Variants in SPRY3 observed in about 807,000 individuals in gnomAD.
SPRY3 encodes protein sprouty homolog 3.
A neutral mutation model predicts 20.2 loss-of-function variants in SPRY3; 15 were observed. The observed-to-expected ratio is 0.74, with a 90% confidence interval of 0.50 to 1.14. SPRY3 has a LOEUF of 1.14. Among genes scored for constraint, SPRY3 ranks in the 50% most tolerant of loss-of-function variants. The pLI is 0.00. For synonymous variants in SPRY3, 143 were observed against 136.5 expected (o/e 1.05, Z -0.33); for missense variants, 364 against 363.9 (o/e 1.00, Z 0.00).
At chrX:155,767,069 C>T (rs955268979) in intron 2 of SPRY3, among the ~76,000 whole-genome samples, 4 of 152,022 alleles carry the variant, frequency 2.6e-5, no homozygotes, top group Non-Finnish European at 5.9e-5. Flanking sequence ...CTCCACCCCA[C>T]CCCCACGTTC....
chrX:155,737,487 T>C (rs952223894), intron 2 of SPRY3, among the ~76,000 whole-genome samples: 3 of 152,118 alleles, frequency 2.0e-5, no homozygotes, highest in Non-Finnish European at 4.4e-5. Flanking sequence ...CAGAGTACTA[T>C]GTAAGAACAT....
chrX:155,654,117 A>G (rs1169161616), intron 1 of SPRY3, among the ~76,000 whole-genome samples: 1 of 112,015 alleles, frequency 8.9e-6, no homozygotes, highest in African/African-American at 3.2e-5. Context: ...AGTTTAGATT[A>G]ATTTGCTAAT....
At chrX:155,688,845 C>G (rs1261864612) in intron 2 of SPRY3, among the ~76,000 whole-genome samples, 1 of 67,014 alleles carries the variant, frequency 1.5e-5, no homozygotes, top group Non-Finnish European at 2.7e-5. Context: ...CCGACAGGCC[C>G]CAGTGTGTGT....
At chrX:155,657,173 G>A (rs1272132725) in intron 2 of SPRY3, among the ~76,000 whole-genome samples, 2 of 112,010 alleles carry the variant, frequency 1.8e-5, no homozygotes, top group African/African-American at 3.2e-5. Flanking sequence ...TCTCTTCAGA[G>A]CTGGCAGGCG....
chrX:155,749,810 G>A (rs1238682054), intron 2 of SPRY3, among the ~76,000 whole-genome samples: 1 of 151,864 alleles, frequency 6.6e-6, no homozygotes, highest in Non-Finnish European at 1.5e-5. Context: ...AGAATGAAGA[G>A]CTGAAGTTTT....
chrX:155,688,670 G>A (rs765757271), intron 2 of SPRY3, among the ~76,000 whole-genome samples: 19 of 110,351 alleles, frequency 1.7e-4, no homozygotes, highest in African/African-American at 5.9e-4. Context: ...ATTGTCAGAC[G>A]CATGTATGTC....
intron 2 of SPRY3, among the ~76,000 whole-genome samples, chrX:155,756,140 C>T (rs1238224297): frequency 1.3e-5 from 2 of 152,170 alleles, no homozygotes; most frequent in East Asian, 1.9e-4. Flanking sequence ...CAATCCTCTG[C>T]ACTGTTGTCA....
intron 2 of SPRY3, among the ~76,000 whole-genome samples, chrX:155,725,243 G>A (rs1214610111): frequency 6.6e-6 from 1 of 152,116 alleles, no homozygotes; most frequent in African/African-American, 2.4e-5. Flanking sequence ...GAGGATTTTT[G>A]CATCGAAGTT....
At chrX:155,620,772 A>AT (rs2067868677) in intron 1 of SPRY3, among the ~76,000 whole-genome samples, 1 of 112,019 alleles carries the variant, frequency 8.9e-6, no homozygotes, top group African/African-American at 3.2e-5. Flanking sequence ...CAGTGTATAC[A>AT]TTTGTCAAAA....
intron 2 of SPRY3, among the ~76,000 whole-genome samples, chrX:155,664,698 T>C (rs1213223786): frequency 9.1e-6 from 1 of 110,327 alleles, no homozygotes; most frequent in Non-Finnish European, 1.9e-5. Context: ...ACACAATTTA[T>C]AAAAATTTAA....
At chrX:155,768,289 T>G (rs1418678170) in intron 3 of SPRY3, among the ~76,000 whole-genome samples, 153 bp downstream of exon 2, 1 of 152,046 alleles carries the variant, frequency 6.6e-6, no homozygotes, top group Admixed American at 6.5e-5. Context: ...TAAAATAAAA[T>G]GAAAACCCTT....
At chrX:155,672,809 C>T (rs1357662123) in intron 2 of SPRY3, among the ~76,000 whole-genome samples, 6 of 102,760 alleles carry the variant, frequency 5.8e-5, no homozygotes, top group Non-Finnish European at 1.2e-4. Flanking sequence ...AGACTTGGAA[C>T]CAACCCAAAT....
chrX:155,666,826 G>A (rs2068025947), intron 2 of SPRY3, among the ~76,000 whole-genome samples: 1 of 110,741 alleles, frequency 9.0e-6, no homozygotes, highest in Non-Finnish European at 1.9e-5. Context: ...GGAGCTAATG[G>A]AAGTTAGGAG....
intron 1 of SPRY3, among the ~76,000 whole-genome samples, chrX:155,629,318 G>A (rs182743520): frequency 5.5e-5 from 6 of 109,682 alleles, no homozygotes; most frequent in African/African-American, 9.9e-5. Context: ...CATCCATGTC[G>A]CCACAAAGGA....
chrX:155,705,494 A>G (rs1354106821), intron 2 of SPRY3, among the ~76,000 whole-genome samples: 2 of 151,454 alleles, frequency 1.3e-5, no homozygotes, highest in African/African-American at 4.8e-5. Context: ...AGAAAATGGT[A>G]GATTTTAATC....
At position 155,724,897 on chromosome X, in the gene SPRY3, G is replaced by A. The variant is rs111503187; in HGVS notation, c.-281-43065G>A. Among the ~76,000 whole-genome samples, 3 of 152,022 alleles carry A rather than the reference G, an allele frequency of 2.0e-5. No individual in the cohort carries two copies. The East Asian group carries it at 5.8e-4, about 29-fold the overall frequency. On this transcript the variant is annotated intron_variant, in intron 2 of 3. Coordinates refer to ENST00000675360, the Ensembl canonical transcript of SPRY3. ...AGAGAGGGCGTCCTTGTCTTGTGCCGGTTTTCAAAGGCAATGCTTCCAGTT... is the reference window on the plus strand; with the variant it reads ...AGAGAGGGCGTCCTTGTCTTGTGCCAGTTTTCAAAGGCAATGCTTCCAGTT...
intron 1 of SPRY3, among the ~76,000 whole-genome samples, chrX:155,638,029 T>C (rs964586022): frequency 2.8e-5 from 3 of 106,446 alleles, no homozygotes; most frequent in Admixed American, 1.0e-4. Context: ...GGTAACCCCA[T>C]TGGGTTTTAA....
chrX:155,689,412 G>C (rs2068097277), intron 2 of SPRY3, among the ~76,000 whole-genome samples: 1 of 86,928 alleles, frequency 1.2e-5, no homozygotes, highest in African/African-American at 5.6e-5. Context: ...TTTGGGAATA[G>C]TTTCAATATA....
intron 2 of SPRY3, among the ~76,000 whole-genome samples, chrX:155,680,288 C>G (rs2068070772): frequency 1.9e-5 from 2 of 106,859 alleles, no homozygotes; most frequent in East Asian, 3.0e-4. Context: ...AGTATGGAGA[C>G]TAGTATATAG....
Sources: allele counts gnomAD v4.1 joint callset (sites outside exome capture counted in the v4.1 genomes callset), GRCh38; gene constraint gnomAD v4.1.1; transcripts MANE v1.5; gene names NCBI Gene and HGNC (gene_info 2026-07-23, HGNC 2026-07-21).